Variants in TBC1D30 observed in about 807,000 individuals in gnomAD.
The protein encoded by TBC1D30 is TBC1 domain family, member 30.
A neutral mutation model predicts 63.2 loss-of-function variants in TBC1D30; 31 were observed. The observed-to-expected ratio is 0.49, with a 90% confidence interval of 0.37 to 0.66. TBC1D30 has a LOEUF of 0.66. TBC1D30 is among the 30% of genes least tolerant of loss of function. The pLI, the probability that TBC1D30 is intolerant of heterozygous loss-of-function variation, is 0.00. For missense variants in TBC1D30, 810 were observed against 953.6 expected (o/e 0.85, Z 1.98); for synonymous variants, 307 against 361.5 (o/e 0.85, Z 1.71).
intron 8 of TBC1D30, among the ~76,000 whole-genome samples, chr12:64,850,907 G>A (rs1191400779): frequency 1.3e-5 from 2 of 152,052 alleles, no homozygotes; most frequent in Non-Finnish European, 2.9e-5. Context: ...CTGATCCTGG[G>A]CTTTCTTTGG....
intron 2 of TBC1D30, among the ~76,000 whole-genome samples, chr12:64,805,808 G>T (rs1170780997): frequency 6.6e-6 from 1 of 152,054 alleles, no homozygotes; most frequent in Non-Finnish European, 1.5e-5. Flanking sequence ...ACTCCAGCCT[G>T]GGTGACAGAG....
In TBC1D30 at chr12:64,825,032, G is replaced by C; in HGVS notation, c.153G>C (p.Pro51=). ...CCCGGCTGCTGTGCACCCTGGAGCC[G>C]GGTGAGGACCCCAGGGCTGCAGATG... The part of the protein sequence containing the change: ...TAPRLLCTLE[P]GVDTKLKFTL... The change falls in exon 1 of 12, where the codon CCG becomes CCC. Residue 51 remains proline (P), a splice_region_variant and synonymous_variant. Transcript: ENST00000539867. The C allele has an allele frequency of 6.5e-7, 1 of 1,532,246 alleles. No individual in the cohort carries two copies. The highest frequency in any genetic ancestry group is 8.7e-7 in the Non-Finnish European group (1 of 1,145,720). 94.9% of individuals were successfully genotyped at this position (1,532,246 alleles called of 1,614,324 possible). A position where few individuals can be genotyped will look rare whatever the true frequency, so the allele number is the denominator to read the frequency against.
chr12:64,840,003 T>TC (rs1875715550), intron 7 of TBC1D30, among the ~76,000 whole-genome samples: 4 of 23,202 alleles, frequency 1.7e-4, no homozygotes, highest in Non-Finnish European at 2.8e-4. Context: ...AGACTCTGTC[T>TC]CAAAAAAAAA....
At chr12:64,794,008 C>T (rs183429637) in intron 2 of TBC1D30, among the ~76,000 whole-genome samples, 64 of 152,184 alleles carry the variant, frequency 4.2e-4, no homozygotes, top group African/African-American at 1.4e-3. Context: ...TTTTTGGTAA[C>T]TGTGCACGGG....
At chr12:64,849,884 A>T (rs1022120078) in intron 8 of TBC1D30, among the ~76,000 whole-genome samples, 1 of 152,172 alleles carries the variant, frequency 6.6e-6, no homozygotes, top group African/African-American at 2.4e-5. Flanking sequence ...TTATCATGAT[A>T]TTGATTCTTC....
chr12:64,859,117 A>G (rs1407838503), intron 8 of TBC1D30, among the ~76,000 whole-genome samples: 1 of 151,456 alleles, frequency 6.6e-6, no homozygotes, highest in South Asian at 2.1e-4. Context: ...GTGCACATAT[A>G]TGCGAGGGTG....
intron 2 of TBC1D30, among the ~76,000 whole-genome samples, chr12:64,789,775 T>C (rs897351475): frequency 2.0e-5 from 3 of 152,152 alleles, no homozygotes; most frequent in African/African-American, 7.2e-5. Flanking sequence ...TAGAAGATCA[T>C]ACTTTTTTTT....
At chr12:64,765,192 T>A (rs1466777150) in intron 1 of TBC1D30, among the ~76,000 whole-genome samples, 1 of 152,068 alleles carries the variant, frequency 6.6e-6, no homozygotes, top group African/African-American at 2.4e-5. Flanking sequence ...CTGCGTTGAA[T>A]AAGAAAATTA....
chr12:64,878,357 C>A lies in TBC1D30; in HGVS notation c.*2569C>A. 1 of 447,084 alleles carries A rather than the reference C, an allele frequency of 2.2e-6. No individual in the cohort carries two copies. The highest frequency in any genetic ancestry group is 4.5e-6 in the Non-Finnish European group (1 of 222,146). 27.7% of individuals were successfully genotyped at this position (447,084 alleles called of 1,614,324 possible). A position where few individuals can be genotyped will look rare whatever the true frequency, so the allele number is the denominator to read the frequency against. On this transcript the variant is annotated 3_prime_UTR_variant, in exon 12 of 12. Transcript: ENST00000539867. ...TGCTATCTTCCCTATGTATTGGACA[C>A]TGTATGCAAACACCAGAAGTACTTA... is the stretch of plus-strand genomic sequence containing the variant.
At chr12:64,795,333 C>T (rs566436125) in intron 2 of TBC1D30, among the ~76,000 whole-genome samples, 2 of 152,320 alleles carry the variant, frequency 1.3e-5, no homozygotes, top group East Asian at 3.9e-4. Flanking sequence ...ATTCAGTATG[C>T]ATATGGCCAC....
intron 2 of TBC1D30, among the ~76,000 whole-genome samples, chr12:64,800,730 G>A (rs912950719): frequency 1.3e-5 from 2 of 152,168 alleles, no homozygotes; most frequent in African/African-American, 2.4e-5. Context: ...GATGCTGTGG[G>A]AGGCTAGAGG....
At chr12:64,826,821 G>A (rs1428452817) in intron 1 of TBC1D30, among the ~76,000 whole-genome samples, 3 of 152,152 alleles carry the variant, frequency 2.0e-5, no homozygotes, top group Admixed American at 6.5e-5. Flanking sequence ...AATTTACAGC[G>A]CTCTTCCAGG....
In TBC1D30 at chr12:64,765,225, G is replaced by A. The variant is rs184453733; in HGVS notation, c.-376+5576G>A. ...TTACTACACAGGGCCGGGCATCGTGGCTCACGCCTGTAATCCCAGCACTTT... is the reference window on the plus strand; with the variant it reads ...TTACTACACAGGGCCGGGCATCGTGACTCACGCCTGTAATCCCAGCACTTT... On this transcript the variant is annotated intron_variant, in intron 1 of 13. Transcript: ENST00000674237. 5.9e-5 allele frequency among the ~76,000 whole-genome samples: 9 copies of A among 152,154 alleles called. No homozygotes were observed. In the East Asian group the frequency reaches 1.7e-3, roughly 29 times the overall value.
At chr12:64,856,644 C>T (rs1171930984) in intron 8 of TBC1D30, among the ~76,000 whole-genome samples, 2 of 152,198 alleles carry the variant, frequency 1.3e-5, no homozygotes, top group Admixed American at 1.3e-4. Context: ...GTTAGCTCAG[C>T]ACTGGGCCTT....
intron 2 of TBC1D30, among the ~76,000 whole-genome samples, chr12:64,807,598 T>A (rs1872943076): frequency 6.6e-6 from 1 of 152,186 alleles, no homozygotes; most frequent in African/African-American, 2.4e-5. Context: ...TGGTGCTGTA[T>A]TTGCTCTCAA....
chr12:64,797,998 G>A (rs765828424), intron 2 of TBC1D30, among the ~76,000 whole-genome samples: 1 of 152,144 alleles, frequency 6.6e-6, no homozygotes, highest in Non-Finnish European at 1.5e-5. Context: ...CCATCATTCT[G>A]GTTTTCTGTG....
At chr12:64,792,500 G>A (rs1871981988) in intron 2 of TBC1D30, among the ~76,000 whole-genome samples, 6 of 152,106 alleles carry the variant, frequency 3.9e-5, no homozygotes, top group Admixed American at 3.9e-4. Context: ...TTCCCTTCTG[G>A]GGAAGTCAAA....
chr12:64,825,321 G>C (rs916988158), intron 1 of TBC1D30: 5 of 385,626 alleles, frequency 1.3e-5, no homozygotes, highest in African/African-American at 2.1e-5. Flanking sequence ...CTTTCTCCGC[G>C]TGGCGGGGAA....
chr12:64,872,595 A>G (rs1218861355), intron 11 of TBC1D30, among the ~76,000 whole-genome samples: 1 of 152,166 alleles, frequency 6.6e-6, no homozygotes, highest in Non-Finnish European at 1.5e-5. Context: ...CTGTTTCAGT[A>G]GGTTTGGAAT....
Sources: gnomAD v4.1 joint callset for allele counts (sites outside exome capture counted in the v4.1 genomes callset) on GRCh38, gnomAD v4.1.1 for gene constraint, MANE v1.5 for transcripts, NCBI Gene and HGNC (gene_info 2026-07-23, HGNC 2026-07-21) for gene names.